RYR3: variants seen among roughly 807,000 people sequenced by gnomAD.
RYR3 encodes ryanodine receptor 3.
A neutral mutation model predicts 584.3 loss-of-function variants in RYR3; 207 were observed. The observed-to-expected ratio is 0.35, with a 90% CI of 0.32 to 0.40. The LOEUF (loss-of-function observed/expected upper bound fraction) is 0.40, where lower values mean the gene tolerates loss of function less well. Ranked by LOEUF, RYR3 falls within the 10% of genes least tolerant of loss-of-function variation. The pLI, the probability that RYR3 is intolerant of heterozygous loss-of-function variation, is 1.00. For synonymous variants in RYR3, 2,416 were observed against 2,248.5 expected (o/e 1.07, Z -2.11); for missense variants, 5,616 against 6,089.2 (o/e 0.92, Z 2.59).
chr15:33,513,585 T>G (rs1252564881), intron 3 of RYR3, among the ~76,000 whole-genome samples: 1 of 152,250 alleles, frequency 6.6e-6, no homozygotes, highest in African/African-American at 2.4e-5. Flanking sequence ...GCAGAATGCT[T>G]CTGCTTCCAC....
chr15:33,769,961 T>C (rs55858479), intron 62 of RYR3, among the ~76,000 whole-genome samples: 1 of 151,250 alleles, frequency 6.6e-6, no homozygotes, highest in Non-Finnish European at 1.5e-5. Flanking sequence ...AAAATATATA[T>C]AAATAAGAGA....
At chr15:33,335,738 A>G (rs1970887738) in intron 1 of RYR3, among the ~76,000 whole-genome samples, 1 of 151,384 alleles carries the variant, frequency 6.6e-6, no homozygotes, top group East Asian at 1.9e-4. Flanking sequence ...AAAAAAAAAG[A>G]TCAGTGGATC....
At chr15:33,704,412 TAGA>T (rs2066537661) in intron 42 of RYR3, among the ~76,000 whole-genome samples, 2 of 152,256 alleles carry the variant, frequency 1.3e-5, no homozygotes, top group East Asian at 3.9e-4. Context: ...AGGGAAATGT[TAGA>T]AGTTGCTCCT....
In RYR3 at chr15:33,334,845, C is replaced by A. The variant is rs556736931; in HGVS notation, c.51+23749C>A. On this transcript the variant is annotated intron_variant, in intron 1 of 103. Coordinates refer to ENST00000634891, the MANE Select transcript of RYR3 (RefSeq NM_001036.6). ...ACAAATTGACAAGAAAAAAAAAAAACCCCATTAAACAGTGGGCAAAGCACA... is the reference window on the plus strand; with the variant it reads ...ACAAATTGACAAGAAAAAAAAAAAAACCCATTAAACAGTGGGCAAAGCACA... 5.8e-4 allele frequency among the ~76,000 whole-genome samples: 88 copies of A among 151,720 alleles called. No homozygotes were observed. In the East Asian group the frequency reaches 9.5e-3, roughly 16 times the overall value.
intron 38 of RYR3, among the ~76,000 whole-genome samples, chr15:33,683,656 AG>A (rs1435587708): frequency 6.6e-6 from 1 of 152,200 alleles, no homozygotes; most frequent in African/African-American, 2.4e-5. Flanking sequence ...CAGCCCATGG[AG>A]GGTGAGCCAA....
rs188751802 is a variant in RYR3 at position 33,329,268 on chromosome 15, C to T, written c.51+18172C>T. On this transcript the variant is annotated intron_variant, in intron 1 of 103. Transcript: ENST00000634891. ...TATGTAATGCTAACCTGAGTTTCTA[C>T]GAGTGGTCAGCAGGAAATATTTAAT... 2.4e-4 allele frequency among the ~76,000 whole-genome samples: 36 copies of T among 152,224 alleles called. 1 individual carries two copies. In the East Asian group the frequency reaches 5.6e-3, roughly 24 times the overall value.
At chr15:33,621,694 T>A (rs972261089) in intron 19 of RYR3, among the ~76,000 whole-genome samples, 2 of 152,186 alleles carry the variant, frequency 1.3e-5, no homozygotes, top group African/African-American at 2.4e-5. Flanking sequence ...ATGATTTCTA[T>A]AATTAATTTT....
intron 3 of RYR3, among the ~76,000 whole-genome samples, chr15:33,504,498 C>A (rs1216854213): frequency 6.6e-6 from 1 of 152,194 alleles, no homozygotes; most frequent in Non-Finnish European, 1.5e-5. Context: ...TGTCCTCTAC[C>A]TTTTGGTTAC....
chr15:33,716,828 A>C (rs2152801549), intron 43 of RYR3, among the ~76,000 whole-genome samples: 1 of 152,026 alleles, frequency 6.6e-6, no homozygotes, highest in African/African-American at 2.4e-5. Context: ...AAGAGTAGTA[A>C]GTGAAGCCTG....
chr15:33,568,100 A>G (rs188964394), intron 12 of RYR3, among the ~76,000 whole-genome samples: 81 of 152,296 alleles, frequency 5.3e-4, no homozygotes, highest in African/African-American at 1.8e-3. Flanking sequence ...GAATAGATCA[A>G]TCTGTAGAGG....
At chr15:33,737,376 A>G (rs1269946457) in intron 49 of RYR3, among the ~76,000 whole-genome samples, 6 of 152,294 alleles carry the variant, frequency 3.9e-5, no homozygotes, top group Admixed American at 2.6e-4. Flanking sequence ...ACCCAAGCAG[A>G]CAGTGTTTTT....
At chr15:33,687,214 C>A (rs995008407) in intron 38 of RYR3, among the ~76,000 whole-genome samples, 3 of 152,232 alleles carry the variant, frequency 2.0e-5, no homozygotes, top group Non-Finnish European at 2.9e-5. Flanking sequence ...GCAACTTCAG[C>A]AAAGTCTCAG....
rs189156927 is a variant in RYR3 at position 33,610,334 on chromosome 15, C to T, written c.2165-2849C>T. The stretch of plus-strand genomic sequence containing the variant: ...ACAGATTCCCAGGCATCTTCCTCTC[C>T]CTCTAGAAGGCAACACATACGTACC... On this transcript the variant is annotated intron_variant, in intron 18 of 103. Transcript: ENST00000634891. 3.3e-3 allele frequency among the ~76,000 whole-genome samples: 497 copies of T among 152,320 alleles called. 5 individuals carry two copies. Among genetic ancestry groups the T allele is most frequent in the African/African-American group, 0.011 (463 of 41,572 alleles).
chr15:33,498,398 T>C (rs979952543), intron 2 of RYR3, among the ~76,000 whole-genome samples: 2 of 152,218 alleles, frequency 1.3e-5, no homozygotes, highest in Admixed American at 6.5e-5. Context: ...ACTACTATCA[T>C]TGTGGCTTTG....
At chr15:33,587,378 C>G (rs966222481) in intron 16 of RYR3, among the ~76,000 whole-genome samples, 1 of 152,164 alleles carries the variant, frequency 6.6e-6, no homozygotes, top group Middle Eastern at 3.2e-3. Context: ...AAGCTGCTCT[C>G]GTCTCATTGC....
At chr15:33,529,915 A>G (rs913809964) in intron 3 of RYR3, among the ~76,000 whole-genome samples, 35 of 152,328 alleles carry the variant, frequency 2.3e-4, no homozygotes, top group African/African-American at 8.2e-4. Context: ...ATGTCGGGCC[A>G]TCTCTCCCTC....
At chr15:33,344,048 A>T (rs1972142071) in intron 1 of RYR3, among the ~76,000 whole-genome samples, 1 of 152,214 alleles carries the variant, frequency 6.6e-6, no homozygotes, top group Admixed American at 6.5e-5. Context: ...CGCAAGCTTA[A>T]ATTCAAAAAC....
intron 48 of RYR3, among the ~76,000 whole-genome samples, chr15:33,734,863 G>C (rs1414712566): frequency 6.6e-6 from 1 of 151,640 alleles, no homozygotes. Flanking sequence ...CTAATTTTTT[G>C]TATTTTTAGT....
intron 67 of RYR3, among the ~76,000 whole-genome samples, chr15:33,798,203 C>T (rs1001029689): frequency 9.2e-5 from 14 of 152,122 alleles, no homozygotes; most frequent in African/African-American, 3.4e-4. Context: ...GTTCTCCTGC[C>T]TCAGCCTCCC....
Sources: gnomAD v4.1 joint callset for allele counts (sites outside exome capture counted in the v4.1 genomes callset) on GRCh38, gnomAD v4.1.1 for gene constraint, MANE v1.5 for transcripts, NCBI Gene and HGNC (gene_info 2026-07-23, HGNC 2026-07-21) for gene names.